Variants in CSNK2A1 observed in about 807,000 individuals in gnomAD.
CSNK2A1 encodes casein kinase II subunit alpha.
In CSNK2A1, 10 loss-of-function variants were observed where a neutral mutation model predicts 62.9. That is an observed-to-expected ratio of 0.16 (90% CI 0.10 to 0.27). The LOEUF (loss-of-function observed/expected upper bound fraction) is 0.27. Among genes scored for constraint, CSNK2A1 ranks in the 10% least tolerant of loss-of-function variants. The probability of loss-of-function intolerance (pLI) is 1.00; values close to 1 mark genes in which losing one functional copy is unlikely to be tolerated. For missense variants in CSNK2A1, 160 were observed against 492.0 expected (o/e 0.33, Z 6.38); for synonymous variants, 124 against 167.8 (o/e 0.74, Z 2.02).
At chr20:530,282 C>T (rs929966515) in intron 1 of CSNK2A1, among the ~76,000 whole-genome samples, 1 of 152,166 alleles carries the variant, frequency 6.6e-6, no homozygotes, top group African/African-American at 2.4e-5. Flanking sequence ...AGCAAAATGT[C>T]TACAAGTTTA....
chr20:535,459 A>T (rs898754384), intron 1 of CSNK2A1, among the ~76,000 whole-genome samples: 4 of 152,154 alleles, frequency 2.6e-5, no homozygotes, highest in African/African-American at 9.7e-5. Flanking sequence ...TATAATCATA[A>T]ATACACAAAA....
intron 2 of CSNK2A1, among the ~76,000 whole-genome samples, chr20:511,703 TACACACACACAC>T (rs61288887): frequency 1.3e-5 from 2 of 150,920 alleles, no homozygotes; most frequent in East Asian, 2.0e-4. Context: ...TGTATATATA[TACACACACACAC>T]ACACACACAC....
At chr20:522,634 T>C (rs2018974587) in intron 2 of CSNK2A1, among the ~76,000 whole-genome samples, 1 of 152,130 alleles carries the variant, frequency 6.6e-6, no homozygotes, top group African/African-American at 2.4e-5. Context: ...ACTGGTAAAA[T>C]CCAAACAAAG....
rs112489570 is a variant in CSNK2A1 at position 513,931 on chromosome 20, A to G, written c.-109-5271T>C. Among the ~76,000 whole-genome samples the G allele has an allele frequency of 3.7e-3, 562 of 152,362 alleles. 2 individuals are homozygous for G. Among genetic ancestry groups the G allele is most frequent in the African/African-American group, 0.013 (532 of 41,580 alleles). On this transcript the variant is annotated intron_variant, in intron 2 of 13. Coordinates refer to ENST00000217244, the MANE Select transcript of CSNK2A1 (RefSeq NM_177559.3). ...TCTGCTTATAGTAAGAAAGGTATTC[A>G]CATGAATTTCAAATGGCTGGCCTTC...
intron 3 of CSNK2A1, 129 bp downstream of exon 3, chr20:508,322 C>T (rs1175705311): frequency 4.8e-6 from 5 of 1,039,554 alleles, no homozygotes; most frequent in African/African-American, 1.6e-5. Context: ...CAAAAGAAAA[C>T]ACAAATTGGG....
At chr20:509,462 T>C (rs1369348238) in intron 2 of CSNK2A1, among the ~76,000 whole-genome samples, 1 of 152,250 alleles carries the variant, frequency 6.6e-6, no homozygotes, top group Non-Finnish European at 1.5e-5. Context: ...CATGTGCTGA[T>C]TCCCCTCATT....
intron 8 of CSNK2A1, 167 bp from the exon 9 acceptor site, chr20:492,531 A>C: frequency 1.6e-6 from 1 of 623,744 alleles, no homozygotes; most frequent in Non-Finnish European, 2.7e-6. Flanking sequence ...AGCTTGACAA[A>C]CCTCTTTCTC....
chr20:531,966 C>T (rs1044677671), intron 1 of CSNK2A1, among the ~76,000 whole-genome samples: 9 of 152,170 alleles, frequency 5.9e-5, no homozygotes, highest in African/African-American at 2.2e-4. Context: ...AAATTGTTCA[C>T]AGTCTTGTAT....
chr20:495,606 C>T (rs950203929), intron 8 of CSNK2A1, 113 bp downstream of exon 8: 5 of 789,340 alleles, frequency 6.3e-6, no homozygotes, highest in African/African-American at 5.1e-5. Flanking sequence ...CCAAATATTT[C>T]TCAACTGCCG....
chr20:478,540 T>TC lies in CSNK2A1; in HGVS notation c.*5420dup. 1 of 274,416 alleles carries TC rather than the reference T, an allele frequency of 3.6e-6. No homozygotes were observed. Among genetic ancestry groups the TC allele is most frequent in the East Asian group, 1.6e-4 (1 of 6,194 alleles). The allele number at this position is 274,416 out of a possible 1,614,324, so 17.0% of individuals were successfully genotyped here. A position where few individuals can be genotyped will look rare whatever the true frequency, so the allele number is the denominator to read the frequency against. On this transcript the variant is annotated 3_prime_UTR_variant, in exon 14 of 14. Transcript: ENST00000217244. ...GTGAAGCTGACTCAGAAATACTCAATCCCCCCAGGAACTTCTCTAAGAAAT... is the reference window on the plus strand; with the variant it reads ...GTGAAGCTGACTCAGAAATACTCAATCCCCCCCAGGAACTTCTCTAAGAAAT...
chr20:474,219 A>G lies in CSNK2A1; in HGVS notation c.*9742T>C, dbSNP rs763069362. On this transcript the variant is annotated 3_prime_UTR_variant, in exon 14 of 14. Coordinates refer to ENST00000217244, the MANE Select transcript of CSNK2A1 (RefSeq NM_177559.3). ...ATAGTCACACACCACCACACTAGTT[A>G]ATGTTTTCATTTTTTGTAGAACAGA... 1.3e-5 allele frequency: 2 copies of G among 152,034 alleles called. No homozygotes were observed. Among genetic ancestry groups the G allele is most frequent in the Non-Finnish European group, 2.9e-5 (2 of 68,026 alleles). 9.4% of individuals were successfully genotyped at this position (152,034 alleles called of 1,614,324 possible).
rs1024983514 is a variant in CSNK2A1 at position 477,080 on chromosome 20, G to A, written c.*6881C>T. The A allele has an allele frequency of 6.6e-6, 1 of 152,254 alleles. No individual in the cohort carries two copies. Among genetic ancestry groups the A allele is most frequent in the East Asian group, 1.9e-4 (1 of 5,174 alleles). 9.4% of individuals were successfully genotyped at this position (152,254 alleles called of 1,614,324 possible). A position where few individuals can be genotyped will look rare whatever the true frequency, so the allele number is the denominator to read the frequency against. On this transcript the variant is annotated 3_prime_UTR_variant, in exon 14 of 14. Transcript: ENST00000217244. The stretch of plus-strand genomic sequence containing the variant: ...TAATTTTTAATTTTGGTAGAGACAG[G>A]GTCTCCCTATGTTGCCCAGGCTGGT...
At chr20:491,758 C>T (rs998647556) in intron 9 of CSNK2A1, among the ~76,000 whole-genome samples, 1 of 151,994 alleles carries the variant, frequency 6.6e-6, no homozygotes, top group Non-Finnish European at 1.5e-5. Context: ...CCAGTCTCTA[C>T]TAAAAATACA....
At chr20:533,559 T>C (rs1369157912) in intron 1 of CSNK2A1, among the ~76,000 whole-genome samples, 4 of 152,186 alleles carry the variant, frequency 2.6e-5, no homozygotes, top group Non-Finnish European at 5.9e-5. Flanking sequence ...GCCGAGATCA[T>C]GTCACTGCAC....
chr20:537,877 G>C (rs1042429247), intron 1 of CSNK2A1, among the ~76,000 whole-genome samples: 1 of 151,694 alleles, frequency 6.6e-6, no homozygotes, highest in Non-Finnish European at 1.5e-5. Flanking sequence ...AATCATATTG[G>C]TTTTCAGTTT....
chr20:534,073 A>G (rs2019264365), intron 1 of CSNK2A1, among the ~76,000 whole-genome samples: 1 of 152,224 alleles, frequency 6.6e-6, no homozygotes, highest in African/African-American at 2.4e-5. Context: ...TATGAATGTA[A>G]TAACTACTGT....
chr20:503,800 T>G (rs2018517934), intron 4 of CSNK2A1: 1 of 397,680 alleles, frequency 2.5e-6, no homozygotes, highest in Non-Finnish European at 4.4e-6. Context: ...CAGTAACAAA[T>G]TATAGTTATA....
At chr20:495,873 G>A in intron 7 of CSNK2A1, 71 bp from the exon 8 acceptor site, 1 of 1,390,466 alleles carries the variant, frequency 7.2e-7, no homozygotes, top group Non-Finnish European at 1.0e-6. Context: ...TTCCCTCCAT[G>A]TAAATTTTCC....
chr20:508,380 A>G, intron 3 of CSNK2A1, 71 bp downstream of exon 3: 3 of 1,549,166 alleles, frequency 1.9e-6, no homozygotes, highest in Non-Finnish European at 1.8e-6. Flanking sequence ...GTTTTCTGAC[A>G]AAAACTACTC....
Sources: allele counts gnomAD v4.1 joint callset (sites outside exome capture counted in the v4.1 genomes callset), GRCh38; gene constraint gnomAD v4.1.1; transcripts MANE v1.5; gene names NCBI Gene and HGNC (gene_info 2026-07-23, HGNC 2026-07-21).